BLTP1: variants seen among roughly 807,000 people sequenced by gnomAD.
The protein encoded by BLTP1 is bridge-like lipid transfer protein family member 1.
chr4:122,245,783 G>T, the BLTP1 span, among the ~76,000 whole-genome samples: 1 of 152,012 alleles, frequency 6.6e-6, no homozygotes, highest in African/African-American at 2.4e-5. Context: ...TGATAGAGTA[G>T]AAGAGTGAAA....
the BLTP1 span, chr4:122,347,432 G>C: frequency 6.8e-7 from 1 of 1,476,626 alleles, no homozygotes; most frequent in Non-Finnish European, 9.1e-7. Context: ...AATGTGATTA[G>C]AAATGATGGA....
At chr4:122,320,547 C>T in the BLTP1 span, among the ~76,000 whole-genome samples, 1 of 152,076 alleles carries the variant, frequency 6.6e-6, no homozygotes, top group Non-Finnish European at 1.5e-5. Context: ...TTTCTTTATA[C>T]CTGATAATTT....
the BLTP1 span, chr4:122,171,807 C>T: frequency 2.0e-6 from 2 of 983,734 alleles, no homozygotes; most frequent in African/African-American, 3.5e-5. Flanking sequence ...AAGAAAAAAA[C>T]AACAATAACA....
At chr4:122,246,334 G>A in the BLTP1 span, 1 of 1,483,296 alleles carries the variant, frequency 6.7e-7, no homozygotes, top group Non-Finnish European at 9.1e-7. Context: ...TTTCCTGAAA[G>A]AGGAGAGCAT....
At chr4:122,224,306 A>T in the BLTP1 span, 3 of 291,556 alleles carry the variant, frequency 1.0e-5, no homozygotes, top group Non-Finnish European at 1.0e-5. Context: ...TCTCATAGGT[A>T]TTGTTCATTA....
the BLTP1 span, chr4:122,167,815 T>G: frequency 1.2e-5 from 12 of 985,418 alleles, no homozygotes; most frequent in Non-Finnish European, 1.4e-5. Flanking sequence ...TGCTTTACTC[T>G]GCTTCACCTT....
the BLTP1 span, chr4:122,220,618 T>C: frequency 1.6e-6 from 1 of 641,960 alleles, no homozygotes; most frequent in Non-Finnish European, 2.6e-6. Context: ...GTTTTGTATG[T>C]ATGTTTATGT....
At chr4:122,180,155 T>C in the BLTP1 span, 1 of 985,134 alleles carries the variant, frequency 1.0e-6, no homozygotes, top group Non-Finnish European at 1.2e-6. Context: ...AAATAAATAG[T>C]AGAAAGAATA....
At chr4:122,319,539 ATTTTTTT>A in the BLTP1 span, among the ~76,000 whole-genome samples, 2 of 131,682 alleles carry the variant, frequency 1.5e-5, no homozygotes, top group African/African-American at 2.8e-5. Flanking sequence ...ATGATTTATA[ATTTTTTT>A]TTTTTTTTTT....
the BLTP1 span, chr4:122,288,783 A>C: frequency 2.0e-6 from 1 of 501,570 alleles, no homozygotes; most frequent in Non-Finnish European, 2.6e-6. Flanking sequence ...CTCTAGGAGA[A>C]AATTTAATTT....
the BLTP1 span, chr4:122,334,442 T>A: frequency 1.2e-6 from 2 of 1,613,082 alleles, no homozygotes; most frequent in Non-Finnish European, 1.7e-6. Flanking sequence ...AGCTGTATGG[T>A]ATGAAAGATA....
the BLTP1 span, chr4:122,220,546 C>A: frequency 1.6e-6 from 2 of 1,246,332 alleles, no homozygotes; most frequent in African/African-American, 1.6e-5. Flanking sequence ...AATGTATTAG[C>A]TTCTGTGCAT....
the BLTP1 span, among the ~76,000 whole-genome samples, chr4:122,233,160 C>T: frequency 1.3e-5 from 2 of 152,176 alleles, no homozygotes; most frequent in Non-Finnish European, 2.9e-5. Flanking sequence ...TACAGTTCAA[C>T]GAGCCATTCA....
the BLTP1 span, chr4:122,262,940 G>C: frequency 6.2e-7 from 1 of 1,613,898 alleles, no homozygotes; most frequent in Non-Finnish European, 8.5e-7. Context: ...GTACTCCTCA[G>C]AGAAGCAGTG....
At chr4:122,236,621 G>A in the BLTP1 span, among the ~76,000 whole-genome samples, 12 of 152,118 alleles carry the variant, frequency 7.9e-5, no homozygotes, top group Non-Finnish European at 1.8e-4. Context: ...TCTCTCTAAT[G>A]TTCTACAACT....
the BLTP1 span, chr4:122,249,858 CT>C: frequency 1.0e-6 from 1 of 980,984 alleles, no homozygotes; most frequent in East Asian, 1.1e-4. Context: ...TTAAGTGGAG[CT>C]TTTCCTCCAT....
chr4:122,361,169 C>A, the BLTP1 span, among the ~76,000 whole-genome samples: 1 of 152,292 alleles, frequency 6.6e-6, no homozygotes, highest in East Asian at 1.9e-4. Flanking sequence ...CCACCCCCAA[C>A]CCCCACCCTG....
At chr4:122,335,237 C>T in the BLTP1 span, among the ~76,000 whole-genome samples, 1 of 151,940 alleles carries the variant, frequency 6.6e-6, no homozygotes, top group Non-Finnish European at 1.5e-5. Flanking sequence ...CAAAAGATAC[C>T]ATGGCTGAAG....
chr4:122,296,621 C>CA, the BLTP1 span, among the ~76,000 whole-genome samples: 1 of 151,970 alleles, frequency 6.6e-6, no homozygotes, highest in East Asian at 1.9e-4. Flanking sequence ...CAATCCTAAG[C>CA]AAAAAGAAAA....
Sources: allele counts gnomAD v4.1 joint callset (sites outside exome capture counted in the v4.1 genomes callset), GRCh38; gene constraint gnomAD v4.1.1; transcripts MANE v1.5; gene names NCBI Gene and HGNC (gene_info 2026-07-23, HGNC 2026-07-21).